Variants in KATNIP observed in about 807,000 individuals in gnomAD.
KATNIP encodes katanin interacting protein.
Under a neutral mutation model 174.0 loss-of-function variants are expected in KATNIP, and 126 were observed. That is an observed-to-expected ratio of 0.72 (90% CI 0.63 to 0.84). The LOEUF (loss-of-function observed/expected upper bound fraction) is 0.84, where lower values mean the gene tolerates loss of function less well. Among genes scored for constraint, KATNIP ranks in the 40% least tolerant of loss-of-function variants. The pLI is 0.00. For missense variants in KATNIP, 1,958 were observed against 2,109.7 expected, an observed-to-expected ratio of 0.93 and a Z score of 1.41; for synonymous variants, 810 against 835.7, an observed-to-expected ratio of 0.97 and a Z score of 0.53.
intron 2 of KATNIP, among the ~76,000 whole-genome samples, chr16:27,595,677 C>T (rs895128613): frequency 1.3e-5 from 2 of 152,180 alleles, no homozygotes; most frequent in African/African-American, 4.8e-5. Context: ...ATCCATGCCC[C>T]TGTAGAGCTT....
chr16:27,588,170 C>A (rs764424886), intron 2 of KATNIP, among the ~76,000 whole-genome samples: 109 of 151,888 alleles, frequency 7.2e-4, no homozygotes, highest in Non-Finnish European at 1.2e-3. Context: ...GGGATTACCG[C>A]TGGGAGCCAC....
At chr16:27,569,738 G>A (rs150194936) in intron 1 of KATNIP, among the ~76,000 whole-genome samples, 2 of 152,344 alleles carry the variant, frequency 1.3e-5, no homozygotes, top group East Asian at 3.9e-4. Context: ...GCTCAGTGGT[G>A]TGAGGACTGG....
chr16:27,678,013 A>G lies in KATNIP; in HGVS notation c.808+17A>G. On this transcript the variant is annotated intron_variant, in intron 7 of 27. Transcript: ENST00000261588. ...CTTCCAAAAGTGAGCTCTGTCTTGT[A>G]TATCATTTCTTTGCCATTGGTGTCT... 7 of 1,607,298 alleles carry G rather than the reference A, an allele frequency of 4.4e-6. No individual in the cohort carries two copies. The highest frequency in any genetic ancestry group is 1.1e-5 in the South Asian group (1 of 90,858).
In KATNIP at chr16:27,708,861, G is replaced by C. The variant is rs758292991; in HGVS notation, c.1546G>C (p.Asp516His). ...TKLYVSPHDV[D>H]IRNTATPGEL... ...GCTTTATGTGTCGCCCCACGATGTG[G>C]ATATCCGGAACACAGCCACGCCTGG... is the stretch of plus-strand genomic sequence containing the variant. The change falls in exon 13 of 28, where the codon GAT becomes CAT. Residue 516 changes from aspartate to histidine, a missense_variant. This residue lies in a region of KATNIP where 1,557 missense variants were observed against 1,617.8 expected (regional missense o/e 0.96). Coordinates refer to ENST00000261588, the MANE Select transcript of KATNIP (RefSeq NM_015202.5). 5 of 1,613,908 alleles carry C rather than the reference G, an allele frequency of 3.1e-6. No individual in the cohort carries two copies. In the African/African-American group the frequency reaches 6.7e-5, roughly 22 times the overall value.
chr16:27,704,060 C>A, intron 12 of KATNIP, 62 bp downstream of exon 12: 2 of 1,284,708 alleles, frequency 1.6e-6, no homozygotes, highest in Non-Finnish European at 2.3e-6. Flanking sequence ...ACAGGCATTT[C>A]GCATCAGTGA....
intron 6 of KATNIP, chr16:27,660,022 G>T: frequency 2.0e-6 from 2 of 983,754 alleles, no homozygotes; most frequent in Non-Finnish European, 2.4e-6. Flanking sequence ...GGATGTCGGA[G>T]TTTGCGAGTC....
chr16:27,626,796 CA>C (rs35587509), intron 3 of KATNIP, among the ~76,000 whole-genome samples: 89 of 142,240 alleles, frequency 6.3e-4, no homozygotes, highest in Middle Eastern at 3.5e-3. Context: ...AAAACACACG[CA>C]AAAAAAAAAA....
At chr16:27,690,954 G>T (rs1037495256) in intron 8 of KATNIP, among the ~76,000 whole-genome samples, 4 of 151,456 alleles carry the variant, frequency 2.6e-5, no homozygotes, top group East Asian at 3.9e-4. Context: ...CTTTTTTTTT[G>T]AGCTTGGCAT....
chr16:27,719,998 A>C (rs1463134135), intron 13 of KATNIP, among the ~76,000 whole-genome samples: 1 of 152,138 alleles, frequency 6.6e-6, no homozygotes, highest in African/African-American at 2.4e-5. Context: ...AAATGTTGGC[A>C]ATGAATTTGT....
intron 6 of KATNIP, among the ~76,000 whole-genome samples, chr16:27,666,046 T>A (rs1467272415): frequency 2.6e-5 from 4 of 152,350 alleles, no homozygotes; most frequent in Admixed American, 1.3e-4. Context: ...GCTATCCCTA[T>A]CCAATCTCCT....
chr16:27,745,326 T>C (rs2081250846), intron 15 of KATNIP, among the ~76,000 whole-genome samples: 1 of 152,242 alleles, frequency 6.6e-6, no homozygotes, highest in South Asian at 2.1e-4. Flanking sequence ...GCCCTACCTC[T>C]TCTTCTCTGT....
intron 23 of KATNIP, among the ~76,000 whole-genome samples, 185 bp from the exon 24 acceptor site, chr16:27,774,760 G>A (rs1283742092): frequency 1.3e-5 from 2 of 152,052 alleles, no homozygotes; most frequent in African/African-American, 4.8e-5. Context: ...AGACACACCT[G>A]CTCCCCTTGG....
At chr16:27,737,596 C>G (rs1597337825) in intron 14 of KATNIP, among the ~76,000 whole-genome samples, 2 of 152,076 alleles carry the variant, frequency 1.3e-5, no homozygotes, top group South Asian at 4.2e-4. Context: ...GCAGCCTAGT[C>G]GTTCAAAGTG....
chr16:27,731,113 G>A (rs1366879809), intron 14 of KATNIP, among the ~76,000 whole-genome samples: 1 of 151,880 alleles, frequency 6.6e-6, no homozygotes, highest in Non-Finnish European at 1.5e-5. Flanking sequence ...ATCCCACACA[G>A]GCCAGGACCC....
In KATNIP at chr16:27,740,641, C is replaced by T. The variant is rs2081069282; in HGVS notation, c.2344C>T (p.Leu782=). 1 of 1,614,084 alleles carries T rather than the reference C, an allele frequency of 6.2e-7. No homozygotes were observed. Among genetic ancestry groups the T allele is most frequent in the African/African-American group, 1.3e-5 (1 of 74,934 alleles). ...KPLWLSPEKP[L]AWKGRLPSDD... ...CCTCTGGCTTAGTCCCGAGAAGCCC[C>T]TGGCCTGGAAGGGCAGGCTCCCATC... Residue 782 remains leucine (L), a synonymous_variant, in exon 15 of 28, where the codon CTG becomes TTG. Coordinates refer to ENST00000261588, the MANE Select transcript of KATNIP (RefSeq NM_015202.5).
chr16:27,713,820 A>ATGTGTGTGTGTGTGTGTGTGTG (rs1567336934), intron 13 of KATNIP, among the ~76,000 whole-genome samples: 2 of 37,744 alleles, frequency 5.3e-5, no homozygotes, highest in African/African-American at 3.0e-4. Context: ...ATATATATAT[A>ATGTGTGTGTGTGTGTGTGTGTG]TATATATATA....
At position 27,681,368 on chromosome 16, in the gene KATNIP, C is replaced by T. The variant is rs932027880; in HGVS notation, c.809-31C>T. The T allele has an allele frequency of 8.1e-6, 13 of 1,613,094 alleles. No homozygotes were observed. The Admixed American group carries it at 1.2e-4, about 14-fold the overall frequency. ...GAATGCCCAACTTGCTTGCGCTCAG[C>T]GTCTTACATGAAACAATTGTTTTCC... On this transcript the variant is annotated intron_variant, in intron 7 of 27. Transcript: ENST00000261588.
At chr16:27,606,500 G>GACACACACACACAT (rs991246471) in intron 2 of KATNIP, among the ~76,000 whole-genome samples, 4 of 148,170 alleles carry the variant, frequency 2.7e-5, no homozygotes, top group African/African-American at 5.1e-5. Context: ...CACACACACA[G>GACACACACACACAT]ACACACACAC....
chr16:27,704,322 A>T (rs989496453), intron 12 of KATNIP, among the ~76,000 whole-genome samples: 2 of 152,234 alleles, frequency 1.3e-5, no homozygotes, highest in Non-Finnish European at 2.9e-5. Context: ...GTCCCATTTG[A>T]GCTCTGAATT....
Sources: gnomAD v4.1 joint callset for allele counts (sites outside exome capture counted in the v4.1 genomes callset) on GRCh38, gnomAD v4.1.1 for gene constraint, gnomAD v4.1.1 regional missense constraint, MANE v1.5 for transcripts, NCBI Gene and HGNC (gene_info 2026-07-23, HGNC 2026-07-21) for gene names.